Variants in MIR2052HG observed in about 807,000 individuals in gnomAD.
The protein encoded by MIR2052HG is MIR2052 host gene.
At chr8:74,648,541 C>T (rs1197373102) in intron 2 of MIR2052HG, among the ~76,000 whole-genome samples, 1 of 152,126 alleles carries the variant, frequency 6.6e-6, no homozygotes, top group Non-Finnish European at 1.5e-5. Flanking sequence ...ACCCACTCCC[C>T]AGCAAAAACT....
At chr8:74,699,431 T>G (rs1333672906) in intron 2 of MIR2052HG, among the ~76,000 whole-genome samples, 1 of 151,664 alleles carries the variant, frequency 6.6e-6, no homozygotes, top group Non-Finnish European at 1.5e-5. Flanking sequence ...TATATATATA[T>G]ATATACACCA....
intron 1 of MIR2052HG, chr8:74,603,756 A>G (rs112100618): frequency 8.2e-6 from 7 of 850,458 alleles, no homozygotes; most frequent in South Asian, 5.3e-5. Context: ...ACATGACCAC[A>G]CAGATCTGTT....
At chr8:74,679,288 C>T (rs1056844170) in intron 2 of MIR2052HG, among the ~76,000 whole-genome samples, 1 of 152,024 alleles carries the variant, frequency 6.6e-6, no homozygotes, top group Admixed American at 6.6e-5. Context: ...TTATATCACT[C>T]TTATGCCTTT....
intron 2 of MIR2052HG, among the ~76,000 whole-genome samples, chr8:74,619,153 A>G (rs1808326246): frequency 6.6e-6 from 1 of 152,178 alleles, no homozygotes; most frequent in Non-Finnish European, 1.5e-5. Flanking sequence ...TATCCTATGT[A>G]CCTGGATTGG....
chr8:74,701,532 G>A (rs566686902), intron 2 of MIR2052HG, among the ~76,000 whole-genome samples: 40 of 152,076 alleles, frequency 2.6e-4, no homozygotes, highest in African/African-American at 9.4e-4. Context: ...GTTTAGTTGG[G>A]GTGGCACCAA....
In MIR2052HG at chr8:74,674,065, T is replaced by C. The variant is rs576717613; in HGVS notation, n.217-28314T>C. On this transcript the variant is annotated intron_variant and non_coding_transcript_variant, in intron 2 of 6. Transcript: ENST00000523442. Reference sequence around the variant, plus strand: ...TAATTAATATCAGTATAATATGTTATCCTAATAGACATTGCTAACATAATG... The same window carrying C: ...TAATTAATATCAGTATAATATGTTACCCTAATAGACATTGCTAACATAATG... 9.8e-4 allele frequency among the ~76,000 whole-genome samples: 149 copies of C among 151,498 alleles called. 1 individual carries two copies. The highest frequency in any genetic ancestry group is 1.5e-3 in the Non-Finnish European group (103 of 67,864).
At chr8:74,662,804 G>A (rs1453394697) in intron 2 of MIR2052HG, among the ~76,000 whole-genome samples, 1 of 150,916 alleles carries the variant, frequency 6.6e-6, no homozygotes, top group Non-Finnish European at 1.5e-5. Context: ...CTAAGCAGTT[G>A]GTGTAAAAAT....
intron 5 of MIR2052HG, among the ~76,000 whole-genome samples, chr8:74,756,197 T>C (rs901071700): frequency 2.6e-5 from 4 of 152,194 alleles, no homozygotes; most frequent in African/African-American, 9.7e-5. Flanking sequence ...TAGCTAAATA[T>C]GGGACACACA....
intron 5 of MIR2052HG, among the ~76,000 whole-genome samples, chr8:74,755,241 C>T (rs554235586): frequency 6.6e-6 from 1 of 152,090 alleles, no homozygotes; most frequent in South Asian, 2.1e-4. Context: ...TTTACAGTGA[C>T]GTTTATATAT....
chr8:74,689,876 C>A (rs1809221691), intron 2 of MIR2052HG, among the ~76,000 whole-genome samples: 1 of 152,152 alleles, frequency 6.6e-6, no homozygotes, highest in South Asian at 2.1e-4. Context: ...ATGAAGAAGG[C>A]AGAGACATTT....
At chr8:74,733,049 CATT>C (rs1050887139) in intron 4 of MIR2052HG, among the ~76,000 whole-genome samples, 12 of 148,862 alleles carry the variant, frequency 8.1e-5, no homozygotes, top group Non-Finnish European at 5.9e-5. Context: ...AATTAGGAGA[CATT>C]TATTTATTTA....
At chr8:74,746,991 G>T (rs1208893280) in intron 4 of MIR2052HG, among the ~76,000 whole-genome samples, 1 of 152,010 alleles carries the variant, frequency 6.6e-6, no homozygotes, top group Non-Finnish European at 1.5e-5. Flanking sequence ...GTAATCATAG[G>T]AAAAAAGCTA....
chr8:74,644,648 TG>T (rs561268577), intron 2 of MIR2052HG, among the ~76,000 whole-genome samples: 3 of 152,066 alleles, frequency 2.0e-5, no homozygotes, highest in East Asian at 3.9e-4. Flanking sequence ...CCTAGCACTT[TG>T]GGGGGCTGAG....
intron 4 of MIR2052HG, among the ~76,000 whole-genome samples, chr8:74,722,963 AG>A (rs1204185728): frequency 3.3e-5 from 5 of 152,158 alleles, no homozygotes; most frequent in Admixed American, 6.5e-5. Context: ...ATCTGCTGAG[AG>A]GTTGTCCAGC....
intron 2 of MIR2052HG, among the ~76,000 whole-genome samples, chr8:74,691,649 G>A (rs768117396): frequency 2.4e-4 from 37 of 152,136 alleles, no homozygotes; most frequent in Non-Finnish European, 1.5e-4. Flanking sequence ...TTTAATTTTT[G>A]CATTGAAGGC....
intron 1 of MIR2052HG, among the ~76,000 whole-genome samples, chr8:74,608,087 T>C (rs1808138298): frequency 6.6e-6 from 1 of 152,222 alleles, no homozygotes; most frequent in African/African-American, 2.4e-5. Context: ...AATTGGCGGC[T>C]GTCTCTTCAG....
intron 2 of MIR2052HG, among the ~76,000 whole-genome samples, chr8:74,632,028 C>T (rs913030490): frequency 1.4e-4 from 21 of 152,260 alleles, no homozygotes; most frequent in African/African-American, 4.6e-4. Flanking sequence ...AACATTTAGA[C>T]CATAGCAGCC....
intron 2 of MIR2052HG, among the ~76,000 whole-genome samples, chr8:74,681,989 TA>T (rs1809130303): frequency 6.6e-6 from 1 of 152,130 alleles, no homozygotes; most frequent in Admixed American, 6.6e-5. Flanking sequence ...GTTACCTATG[TA>T]GGGGGATTGA....
intron 2 of MIR2052HG, among the ~76,000 whole-genome samples, chr8:74,680,946 A>G (rs1809117252): frequency 6.6e-6 from 1 of 151,416 alleles, no homozygotes; most frequent in South Asian, 2.1e-4. Context: ...CATCATTCTC[A>G]GTAAACTATC....
Sources: allele counts gnomAD v4.1 joint callset (sites outside exome capture counted in the v4.1 genomes callset), GRCh38; gene constraint gnomAD v4.1.1; transcripts MANE v1.5; gene names NCBI Gene and HGNC (gene_info 2026-07-23, HGNC 2026-07-21).